The following COMMD2 variants were observed in gnomAD, a reference collection of about 807,000 sequenced individuals.
COMMD2 encodes COMM domain-containing protein 2.
A neutral mutation model predicts 22.5 loss-of-function variants in COMMD2; 25 were observed. The ratio of observed to expected loss-of-function variants is 1.11; its 90% confidence interval spans 0.81 to 1.55. The LOEUF is 1.55. COMMD2 is among the 40% of genes most tolerant of loss of function. The probability of loss-of-function intolerance (pLI) is 0.00; values close to 1 mark genes in which losing one functional copy is unlikely to be tolerated. For synonymous variants in COMMD2, 98 were observed against 91.2 expected (o/e 1.07, Z -0.42); for missense variants, 223 against 232.9 (o/e 0.96, Z 0.28).
chr3:149,745,157 G>A (rs956331260), intron 4 of COMMD2, among the ~76,000 whole-genome samples: 2 of 152,082 alleles, frequency 1.3e-5, no homozygotes, highest in Non-Finnish European at 2.9e-5. Flanking sequence ...TATTATTAAA[G>A]GACCTAAGTA....
rs764206234 is a variant in COMMD2, at chr3:149,752,450, C to T, written c.-6G>A. On this transcript the variant is annotated 5_prime_UTR_variant, in exon 1 of 5. In the 5' UTR this introduces an upstream ATG that the reference lacks. Transcript: ENST00000473414. ...TCGGACAATTCCAGCAGCATCTTCACTGTCCTACGATTTCACCCGGCAGCG... is the reference window on the plus strand; with the variant it reads ...TCGGACAATTCCAGCAGCATCTTCATTGTCCTACGATTTCACCCGGCAGCG... The T allele has an allele frequency of 1.2e-5, 19 of 1,612,186 alleles. No homozygotes were observed. The highest frequency in any genetic ancestry group is 1.4e-5 in the Non-Finnish European group (17 of 1,179,106).
At chr3:149,750,548 A>G in intron 4 of COMMD2, 130 bp downstream of exon 4, 1 of 619,146 alleles carries the variant, frequency 1.6e-6, no homozygotes, top group Non-Finnish European at 2.8e-6. Flanking sequence ...GAAATGGCTT[A>G]AAAATGAACA....
rs910084846 is a variant in COMMD2 at position 149,739,070 on chromosome 3, G to A, written c.*2451C>T. 25 of 152,102 alleles carry A rather than the reference G, an allele frequency of 1.6e-4. No homozygotes were observed. The highest frequency in any genetic ancestry group is 5.6e-4 in the African/African-American group (23 of 41,440). The allele number at this position is 152,102 out of a possible 1,614,324, so 9.4% of individuals were successfully genotyped here. On this transcript the variant is annotated 3_prime_UTR_variant, in exon 5 of 5. Transcript: ENST00000473414. ...TTTGGCTTTGAGACATGAAGGATAT[G>A]ACATTTAAGTCTAAACATGCACCAG...
At chr3:149,743,545 T>C (rs984799944) in intron 4 of COMMD2, among the ~76,000 whole-genome samples, 4 of 152,218 alleles carry the variant, frequency 2.6e-5, no homozygotes, top group African/African-American at 4.8e-5. Flanking sequence ...CAAATAATTA[T>C]AGGTAACCTG....
chr3:149,743,922 A>C (rs551815587), intron 4 of COMMD2, among the ~76,000 whole-genome samples: 5 of 152,316 alleles, frequency 3.3e-5, no homozygotes, highest in Admixed American at 6.5e-5. Flanking sequence ...TCCAATTTTT[A>C]GACAACGTAT....
chr3:149,750,905 T>C, intron 3 of COMMD2, 54 bp from the exon 4 acceptor site: 2 of 1,159,016 alleles, frequency 1.7e-6, no homozygotes, highest in Middle Eastern at 2.2e-4. Context: ...CTAGCTAAAA[T>C]AATTGAAATA....
chr3:149,745,102 T>C (rs1192330105), intron 4 of COMMD2, among the ~76,000 whole-genome samples: 1 of 152,046 alleles, frequency 6.6e-6, no homozygotes, highest in African/African-American at 2.4e-5. Flanking sequence ...CAAGATAAAT[T>C]ACCTCTGAGC....
intron 3 of COMMD2, 121 bp downstream of exon 3, chr3:149,751,282 A>C (rs1409867811): frequency 6.8e-7 from 1 of 1,474,136 alleles, no homozygotes; most frequent in Non-Finnish European, 9.1e-7. Context: ...TCAAAAAATC[A>C]ATTATAAACC....
chr3:149,746,701 T>C (rs1404004668), intron 4 of COMMD2, among the ~76,000 whole-genome samples: 3 of 152,080 alleles, frequency 2.0e-5, no homozygotes, highest in East Asian at 3.9e-4. Flanking sequence ...GAGAATGGCA[T>C]GACCCTGGGA....
At chr3:149,751,173 C>T (rs1716518638) in intron 3 of COMMD2, 1 of 586,070 alleles carries the variant, frequency 1.7e-6, no homozygotes, top group Admixed American at 3.4e-5. Context: ...TATGGTTTAA[C>T]AACATGCAGA....
In COMMD2 at chr3:149,751,388, C is replaced by T. The variant is rs1309030705; in HGVS notation, c.228+15G>A. The T allele has an allele frequency of 8.1e-6, 13 of 1,613,860 alleles. No individual in the cohort carries two copies. The highest frequency in any genetic ancestry group is 1.7e-5 in the Admixed American group (1 of 59,996). On this transcript the variant is annotated intron_variant, in intron 3 of 4. Transcript: ENST00000473414. The stretch of plus-strand genomic sequence containing the variant: ...AGAATCCAGCCAACACAAAACAGTC[C>T]AGAAAATCCCTTACCATGAGCTTTG...
chr3:149,741,966 A>G (rs1005121332), intron 4 of COMMD2, among the ~76,000 whole-genome samples: 3 of 152,154 alleles, frequency 2.0e-5, no homozygotes, highest in African/African-American at 7.2e-5. Flanking sequence ...GGTAAAATTT[A>G]ACTACATTAA....
rs1047204915 is a variant in COMMD2 at position 149,739,060 on chromosome 3, T to C, written c.*2461A>G. 3 of 152,132 alleles carry C rather than the reference T, an allele frequency of 2.0e-5. No homozygotes were observed. Among genetic ancestry groups the C allele is most frequent in the Non-Finnish European group, 4.4e-5 (3 of 68,014 alleles). The allele number at this position is 152,132 out of a possible 1,614,324, so 9.4% of individuals were successfully genotyped here. ...ATGTTACTATTTTGGCTTTGAGACA[T>C]GAAGGATATGACATTTAAGTCTAAA... On this transcript the variant is annotated 3_prime_UTR_variant, in exon 5 of 5. Transcript: ENST00000473414.
Position 149,752,481 on chromosome 3 carries a change from C to G in COMMD2, c.-37G>C, listed in dbSNP as rs368764382. The G allele has an allele frequency of 6.3e-7, 1 of 1,577,724 alleles. No homozygotes were observed. Among genetic ancestry groups the G allele is most frequent in the South Asian group, 1.1e-5 (1 of 88,276 alleles). On this transcript the variant is annotated 5_prime_UTR_variant, in exon 1 of 5. Coordinates refer to ENST00000473414, the MANE Select transcript of COMMD2 (RefSeq NM_016094.4). ...TACGATTTCACCCGGCAGCGCCGAC[C>G]CCGCCTTCGCCACTTCCGGCGCCCG... is the stretch of plus-strand genomic sequence containing the variant.
chr3:149,752,084 G>A (rs1466549507), intron 2 of COMMD2, 126 bp downstream of exon 2: 2 of 762,924 alleles, frequency 2.6e-6, no homozygotes, highest in Admixed American at 2.5e-5. Context: ...GAGCTCTGCT[G>A]GTTTTATTCT....
At position 149,740,937 on chromosome 3, in the gene COMMD2, A is replaced by T. The variant is rs1716193620; in HGVS notation, c.*584T>A. The T allele has an allele frequency of 6.5e-6, 1 of 152,706 alleles. No individual in the cohort carries two copies. The highest frequency in any genetic ancestry group is 2.4e-5 in the African/African-American group (1 of 41,464). 9.5% of individuals were successfully genotyped at this position (152,706 alleles called of 1,614,324 possible). A position where few individuals can be genotyped will look rare whatever the true frequency, so the allele number is the denominator to read the frequency against. On this transcript the variant is annotated 3_prime_UTR_variant, in exon 5 of 5. Coordinates refer to ENST00000473414, the MANE Select transcript of COMMD2 (RefSeq NM_016094.4). The stretch of plus-strand genomic sequence containing the variant: ...AATAATGGCCATCTGGCTAGTTCCA[A>T]CGGTAGAGCATGAGACTCTTAAAAT...
chr3:149,752,104 G>T, intron 2 of COMMD2, 106 bp downstream of exon 2: 1 of 916,374 alleles, frequency 1.1e-6, no homozygotes. Flanking sequence ...TACTACAATC[G>T]GAACAAGACC....
At chr3:149,742,551 A>G (rs374153297) in intron 4 of COMMD2, among the ~76,000 whole-genome samples, 204 of 152,374 alleles carry the variant, frequency 1.3e-3, no homozygotes, top group African/African-American at 4.5e-3. Context: ...AAAGAAATGA[A>G]CTACAGCAAC....
chr3:149,751,587 T>C, intron 2 of COMMD2, 102 bp from the exon 3 acceptor site: 5 of 1,054,332 alleles, frequency 4.7e-6, no homozygotes, highest in Non-Finnish European at 6.6e-6. Context: ...TTACATGTTT[T>C]CAAACACTGC....
Sources: allele counts gnomAD v4.1 joint callset (sites outside exome capture counted in the v4.1 genomes callset), GRCh38; gene constraint gnomAD v4.1.1; transcripts MANE v1.5; gene names NCBI Gene and HGNC (gene_info 2026-07-23, HGNC 2026-07-21).